Variants in WDR17 observed in about 807,000 individuals in gnomAD.
WDR17 encodes the protein WD repeat domain 17.
WDR17 carries 143 observed loss-of-function variants against 161.7 expected under a neutral mutation model. That is an observed-to-expected ratio of 0.88 (90% confidence interval 0.77 to 1.02). The LOEUF (loss-of-function observed/expected upper bound fraction) is 1.02, where lower values mean the gene tolerates loss of function less well. Ranked by LOEUF, WDR17 falls within the 50% of genes least tolerant of loss-of-function variation. The pLI, the probability that WDR17 is intolerant of heterozygous loss-of-function variation, is 0.00. For synonymous variants in WDR17, 517 were observed against 515.6 expected (o/e 1.00, Z -0.04); for missense variants, 1,469 against 1,520.9 (o/e 0.97, Z 0.57).
At chr4:176,108,446 A>G (rs1319238811) in intron 1 of WDR17, among the ~76,000 whole-genome samples, 1 of 152,120 alleles carries the variant, frequency 6.6e-6, no homozygotes, top group Non-Finnish European at 1.5e-5. Context: ...CAGAGCACAA[A>G]GGACTTTTTA....
chr4:176,132,270 A>T (rs1743588996), intron 7 of WDR17, among the ~76,000 whole-genome samples: 1 of 152,128 alleles, frequency 6.6e-6, no homozygotes, highest in Non-Finnish European at 1.5e-5. Context: ...GTACAGCCCC[A>T]CTACCTAATA....
chr4:176,177,415 C>G, intron 27 of WDR17, 56 bp from the exon 28 acceptor site: 1 of 1,422,062 alleles, frequency 7.0e-7, no homozygotes, highest in Non-Finnish European at 9.4e-7. Context: ...CTAATCTAAA[C>G]ATCAAAAATT....
chr4:176,126,883 C>T (rs1189400314), intron 5 of WDR17, among the ~76,000 whole-genome samples: 1 of 152,200 alleles, frequency 6.6e-6, no homozygotes, highest in Non-Finnish European at 1.5e-5. Flanking sequence ...TTTGCCCTCA[C>T]TCCATTCCAC....
In WDR17 at chr4:176,179,609, T is replaced by C. The variant is rs538594822; in HGVS notation, c.*30T>C. On this transcript the variant is annotated 3_prime_UTR_variant, in exon 29 of 29. Coordinates refer to ENST00000508596, the MANE Select transcript of WDR17 (RefSeq NM_181265.4). ...AGATTTTTGTCCATGCTTGATTTTT[T>C]TTTTTAAAGAAAAACTTTCATGGGT... is the stretch of plus-strand genomic sequence containing the variant. The C allele has an allele frequency of 1.0e-4, 158 of 1,513,674 alleles. 1 individual carries two copies. In the East Asian group the frequency reaches 2.8e-3, roughly 27 times the overall value. The allele number at this position is 1,513,674 out of a possible 1,614,324, so 93.8% of individuals were successfully genotyped here.
chr4:176,072,499 G>T lies in WDR17; in HGVS notation c.-7+6420G>T, dbSNP rs372469083. ...ACACTTTGAGATACACTGATTAAGA[G>T]ATTTTTGAAATCCTATTTATTCTTG... On this transcript the variant is annotated intron_variant, in intron 1 of 28. Coordinates refer to ENST00000508596, the MANE Select transcript of WDR17 (RefSeq NM_181265.4). Among the ~76,000 whole-genome samples the T allele has an allele frequency of 3.3e-5, 5 of 152,190 alleles. No homozygotes were observed. In the East Asian group the frequency reaches 5.8e-4, roughly 18 times the overall value.
At chr4:176,160,836 T>C (rs914942197) in intron 19 of WDR17, 75 bp from the exon 20 acceptor site, 3 of 1,256,736 alleles carry the variant, frequency 2.4e-6, no homozygotes, top group Non-Finnish European at 2.2e-6. Context: ...TATACTTTGC[T>C]CAAAATCATA....
At chr4:176,175,659 A>G (rs1057119757) in intron 26 of WDR17, among the ~76,000 whole-genome samples, 3 of 151,360 alleles carry the variant, frequency 2.0e-5, no homozygotes, top group Non-Finnish European at 4.4e-5. Flanking sequence ...CCAAGTTCAC[A>G]CCATTCTCCT....
rs757153013 is a variant in WDR17, at chr4:176,177,452, A to T, written c.3549-19A>T. On this transcript the variant is annotated intron_variant, in intron 27 of 28. Coordinates refer to ENST00000508596, the MANE Select transcript of WDR17 (RefSeq NM_181265.4). ...TGTGATTCGACAAAATGAAATTTTGATATCTGTTGAAAATATAGATCATTA... is the reference window on the plus strand; with the variant it reads ...TGTGATTCGACAAAATGAAATTTTGTTATCTGTTGAAAATATAGATCATTA... 3.3e-6 allele frequency: 5 copies of T among 1,515,454 alleles called. No homozygotes were observed. In the South Asian group the frequency reaches 6.8e-5, roughly 21 times the overall value. The allele number at this position is 1,515,454 out of a possible 1,614,324, so 93.9% of individuals were successfully genotyped here. A position where few individuals can be genotyped will look rare whatever the true frequency, so the allele number is the denominator to read the frequency against.
intron 18 of WDR17, among the ~76,000 whole-genome samples, chr4:176,157,554 A>T (rs1748351466): frequency 6.6e-6 from 1 of 151,516 alleles, no homozygotes; most frequent in South Asian, 2.1e-4. Flanking sequence ...CACAATTGTG[A>T]ATGTTATTGC....
intron 26 of WDR17, among the ~76,000 whole-genome samples, chr4:176,175,682 C>T (rs1249844066): frequency 3.3e-5 from 5 of 151,498 alleles, no homozygotes; most frequent in Admixed American, 6.6e-5. Context: ...CTCAGCCTCC[C>T]GAGTAGCTGG....
intron 11 of WDR17, among the ~76,000 whole-genome samples, chr4:176,142,834 A>G (rs1745493174): frequency 6.6e-6 from 1 of 152,178 alleles, no homozygotes; most frequent in South Asian, 2.1e-4. Context: ...TGATAGACCT[A>G]TGTATTTCCT....
At chr4:176,167,450 T>A (rs1749947173) in intron 22 of WDR17, among the ~76,000 whole-genome samples, 1 of 150,342 alleles carries the variant, frequency 6.7e-6, no homozygotes, top group Admixed American at 6.6e-5. Context: ...ATCGAGACCA[T>A]CCTGGCTAAC....
intron 1 of WDR17, among the ~76,000 whole-genome samples, chr4:176,103,940 A>G (rs1208347130): frequency 6.6e-6 from 1 of 152,156 alleles, no homozygotes; most frequent in Non-Finnish European, 1.5e-5. Context: ...CAAGAATTTG[A>G]ACTGAAATAG....
intron 4 of WDR17, 150 bp from the exon 5 acceptor site, chr4:176,124,954 A>T (rs1467927893): frequency 2.2e-6 from 2 of 896,426 alleles, no homozygotes; most frequent in Non-Finnish European, 3.3e-6. Flanking sequence ...CTGCATTCAC[A>T]TGTCAGTTAC....
intron 7 of WDR17, among the ~76,000 whole-genome samples, chr4:176,132,338 G>C (rs1313599713): frequency 2.0e-5 from 3 of 152,036 alleles, no homozygotes; most frequent in Non-Finnish European, 4.4e-5. Context: ...ATGAAGACAT[G>C]CAATAATACA....
At chr4:176,090,433 G>A (rs1735978452) in intron 1 of WDR17, among the ~76,000 whole-genome samples, 1 of 152,024 alleles carries the variant, frequency 6.6e-6, no homozygotes, top group South Asian at 2.1e-4. Flanking sequence ...GTAGAACCAT[G>A]AGCCAAATAA....
At chr4:176,106,921 G>A (rs866941466) in intron 1 of WDR17, among the ~76,000 whole-genome samples, 20 of 151,966 alleles carry the variant, frequency 1.3e-4, no homozygotes, top group African/African-American at 4.4e-4. Flanking sequence ...ACTACACTCC[G>A]GAAGGAAACC....
At chr4:176,169,644 A>AT (rs1331647712) in intron 23 of WDR17, among the ~76,000 whole-genome samples, 4 of 152,144 alleles carry the variant, frequency 2.6e-5, no homozygotes, top group Admixed American at 6.6e-5. Flanking sequence ...TTGAACCGTG[A>AT]TTTTTTTATC....
At chr4:176,147,112 G>A (rs542723181) in intron 12 of WDR17, among the ~76,000 whole-genome samples, 3 of 152,188 alleles carry the variant, frequency 2.0e-5, no homozygotes, top group Non-Finnish European at 2.9e-5. Context: ...TGATCCGCCC[G>A]TCTCAGCCTC....
Sources: allele counts gnomAD v4.1 joint callset (sites outside exome capture counted in the v4.1 genomes callset), GRCh38; gene constraint gnomAD v4.1.1; transcripts MANE v1.5; gene names NCBI Gene and HGNC (gene_info 2026-07-23, HGNC 2026-07-21).